The following L3MBTL4 variants were observed in gnomAD, a reference collection of about 807,000 sequenced individuals.
L3MBTL4 encodes the protein L3MBTL histone methyl-lysine binding protein 4.
L3MBTL4 carries 70 observed loss-of-function variants against 84.5 expected under a neutral mutation model. That is an observed-to-expected ratio of 0.83 (90% CI 0.68 to 1.01). The LOEUF is 1.01. Among genes scored for constraint, L3MBTL4 ranks in the 50% least tolerant of loss-of-function variants. The pLI, the probability that L3MBTL4 is intolerant of heterozygous loss-of-function variation, is 0.00. For synonymous variants in L3MBTL4, 274 were observed against 259.8 expected (o/e 1.05, Z -0.52); for missense variants, 715 against 754.8 (o/e 0.95, Z 0.62).
At chr18:6,332,569 T>C (rs1217015838) in intron 1 of L3MBTL4, among the ~76,000 whole-genome samples, 1 of 152,234 alleles carries the variant, frequency 6.6e-6, no homozygotes, top group Admixed American at 6.5e-5. Context: ...CTAGGATTCT[T>C]ATCAGAAATA....
In L3MBTL4 at chr18:6,257,733, G is replaced by A. The variant is rs1361897929; in HGVS notation, c.219+6214C>T. Among the ~76,000 whole-genome samples, 4 of 146,394 alleles carry A rather than the reference G, an allele frequency of 2.7e-5. No individual in the cohort carries two copies. In the South Asian group the frequency reaches 8.6e-4, roughly 32 times the overall value. On this transcript the variant is annotated intron_variant, in intron 5 of 18. Transcript: ENST00000317931. Reference sequence around the variant, plus strand: ...GCAATCTTGGCTCACCGCAACCTCCGCTTCCCGGGTTCAAGCGATTCTCCT... The same window carrying A: ...GCAATCTTGGCTCACCGCAACCTCCACTTCCCGGGTTCAAGCGATTCTCCT...
chr18:6,039,313 A>C (rs943452287), intron 16 of L3MBTL4, among the ~76,000 whole-genome samples: 5 of 152,042 alleles, frequency 3.3e-5, no homozygotes, highest in Non-Finnish European at 7.4e-5. Context: ...CTGAAGGAAA[A>C]ATAAGAAAAT....
chr18:6,144,161 A>G (rs2042545485), intron 13 of L3MBTL4, among the ~76,000 whole-genome samples: 1 of 140,372 alleles, frequency 7.1e-6, no homozygotes, highest in Admixed American at 8.0e-5. Flanking sequence ...ACACCACTGC[A>G]CTCCAGCCTG....
At chr18:6,352,977 A>G (rs1486650771) in intron 1 of L3MBTL4, among the ~76,000 whole-genome samples, 1 of 152,232 alleles carries the variant, frequency 6.6e-6, no homozygotes, top group African/African-American at 2.4e-5. Context: ...GTAACCTTTT[A>G]AAATAAACTA....
chr18:6,229,443 C>T (rs2046905933), intron 10 of L3MBTL4, among the ~76,000 whole-genome samples: 1 of 152,044 alleles, frequency 6.6e-6, no homozygotes, highest in African/African-American at 2.4e-5. Flanking sequence ...ACTGTTGATA[C>T]TCATTGTCCT....
chr18:6,365,145 GATT>G (rs2053873403), intron 1 of L3MBTL4, among the ~76,000 whole-genome samples: 2 of 152,130 alleles, frequency 1.3e-5, no homozygotes, highest in South Asian at 4.1e-4. Context: ...TAAATGCTGA[GATT>G]ATCATATCTT....
chr18:6,203,017 G>A lies in L3MBTL4; in HGVS notation c.981+10132C>T, dbSNP rs191886792. The stretch of plus-strand genomic sequence containing the variant: ...AGGCATGTATTAAAATCACCTGGGA[G>A]AGCTGTACCAAATGCTGATGCCTGC... On this transcript the variant is annotated intron_variant, in intron 12 of 18. Transcript: ENST00000317931. Among the ~76,000 whole-genome samples the A allele has an allele frequency of 3.9e-5, 6 of 152,322 alleles. No individual in the cohort carries two copies. In the East Asian group the frequency reaches 1.2e-3, roughly 29 times the overall value.
At chr18:6,317,742 A>G (rs555994349) in intron 1 of L3MBTL4, among the ~76,000 whole-genome samples, 1 of 152,306 alleles carries the variant, frequency 6.6e-6, no homozygotes, top group East Asian at 1.9e-4. Context: ...CAAACACAAG[A>G]AGCTCAAAAA....
At chr18:6,039,166 G>T (rs1378142173) in intron 16 of L3MBTL4, among the ~76,000 whole-genome samples, 1 of 151,986 alleles carries the variant, frequency 6.6e-6, no homozygotes, top group Non-Finnish European at 1.5e-5. Context: ...TCCCCAAACT[G>T]TGATCTTGAC....
intron 1 of L3MBTL4, among the ~76,000 whole-genome samples, chr18:6,410,537 T>C (rs896263357): frequency 1.3e-5 from 2 of 152,118 alleles, no homozygotes; most frequent in African/African-American, 2.4e-5. Flanking sequence ...GCAATGCTGA[T>C]TTAATCTAAA....
At chr18:6,343,108 A>G (rs987687153) in intron 1 of L3MBTL4, among the ~76,000 whole-genome samples, 1 of 152,222 alleles carries the variant, frequency 6.6e-6, no homozygotes, top group East Asian at 1.9e-4. Context: ...AACTGAAGGG[A>G]CTGAAGGGAG....
chr18:6,105,476 C>T (rs1478714286), intron 14 of L3MBTL4, among the ~76,000 whole-genome samples: 2 of 151,662 alleles, frequency 1.3e-5, no homozygotes, highest in Non-Finnish European at 2.9e-5. Context: ...AGGCTTGAGC[C>T]ACTGCACCCA....
chr18:6,072,689 C>T (rs2057701348), intron 16 of L3MBTL4, among the ~76,000 whole-genome samples: 1 of 115,792 alleles, frequency 8.6e-6, no homozygotes, highest in African/African-American at 3.5e-5. Flanking sequence ...AAAACACACA[C>T]ACACACACAA....
At chr18:6,222,424 C>T (rs577783905) in intron 10 of L3MBTL4, among the ~76,000 whole-genome samples, 4 of 152,130 alleles carry the variant, frequency 2.6e-5, no homozygotes, top group South Asian at 2.1e-4. Flanking sequence ...TTGTGTCTGG[C>T]GAGATCACCA....
intron 16 of L3MBTL4, among the ~76,000 whole-genome samples, chr18:5,993,126 T>C (rs1226538635): frequency 6.6e-6 from 1 of 152,212 alleles, no homozygotes; most frequent in Admixed American, 6.5e-5. Flanking sequence ...CTGTTCTCTT[T>C]CCAGCGCTCA....
At position 6,090,715 on chromosome 18, in the gene L3MBTL4, C is replaced by T. The variant is rs556998620; in HGVS notation, c.1373+2640G>A. On this transcript the variant is annotated intron_variant, in intron 15 of 18. Coordinates refer to ENST00000317931, the MANE Select transcript of L3MBTL4 (RefSeq NM_001330559.2). ...TGATAGCTCACTGCAGCCTCTGCTT[C>T]CCAGGCTCAAGTGATCCTCCCACCT... Among the ~76,000 whole-genome samples, 249 of 151,300 alleles carry T rather than the reference C, an allele frequency of 1.6e-3. 1 individual carries two copies. Among genetic ancestry groups the T allele is most frequent in the Admixed American group, 2.1e-3 (32 of 15,196 alleles).
intron 16 of L3MBTL4, among the ~76,000 whole-genome samples, chr18:6,041,965 C>T (rs541546731): frequency 6.6e-6 from 1 of 152,188 alleles, no homozygotes; most frequent in East Asian, 1.9e-4. Context: ...TCAAGTGATC[C>T]TCCTGCCTTG....
chr18:6,099,146 C>T (rs894578335), intron 14 of L3MBTL4, among the ~76,000 whole-genome samples: 5 of 152,172 alleles, frequency 3.3e-5, no homozygotes, highest in Non-Finnish European at 5.9e-5. Context: ...AAAGCAATGC[C>T]TTCCCCACAC....
intron 13 of L3MBTL4, among the ~76,000 whole-genome samples, chr18:6,144,886 G>A (rs529830747): frequency 1.3e-5 from 2 of 152,270 alleles, no homozygotes; most frequent in South Asian, 4.1e-4. Flanking sequence ...CAAAGGTGTT[G>A]AGGGAAGAAG....
Sources: allele counts gnomAD v4.1 joint callset (sites outside exome capture counted in the v4.1 genomes callset), GRCh38; gene constraint gnomAD v4.1.1; transcripts MANE v1.5; gene names NCBI Gene and HGNC (gene_info 2026-07-23, HGNC 2026-07-21).